Variants in GPC5 observed in about 807,000 individuals in gnomAD.
The protein encoded by GPC5 is glypican 5, also known as glypican-5.
GPC5 carries 47 observed loss-of-function variants against 53.9 expected under a neutral mutation model. That is an observed-to-expected ratio of 0.87 (90% CI 0.69 to 1.11). The LOEUF is 1.11. Ranked by LOEUF, GPC5 falls within the 50% of genes most tolerant of loss-of-function variation. The probability of loss-of-function intolerance (pLI) is 0.00; values close to 1 mark genes in which losing one functional copy is unlikely to be tolerated. For synonymous variants in GPC5, 286 were observed against 263.3 expected (o/e 1.09, Z -0.84); for missense variants, 748 against 713.1 (o/e 1.05, Z -0.56).
chr13:92,008,491 G>C (rs1315146319), intron 6 of GPC5, among the ~76,000 whole-genome samples: 1 of 148,880 alleles, frequency 6.7e-6, no homozygotes, highest in Non-Finnish European at 1.5e-5. Flanking sequence ...TTTTTTTTTA[G>C]TGCTGTTTGT....
chr13:92,362,508 G>A lies in GPC5; in HGVS notation c.1561+217519G>A, dbSNP rs60353497. On this transcript the variant is annotated intron_variant, in intron 7 of 7. Transcript: ENST00000377067. ...CTATGGCAAGATTTTGTTCTATGACGAAAGAAATTGAAGAAAATTCCAGTT... is the reference window on the plus strand; with the variant it reads ...CTATGGCAAGATTTTGTTCTATGACAAAAGAAATTGAAGAAAATTCCAGTT... Among the ~76,000 whole-genome samples the A allele has an allele frequency of 3.8e-3, 579 of 151,874 alleles. 22 individuals carry two copies. The highest frequency in any genetic ancestry group is 0.011 in the African/African-American group (452 of 41,156).
chr13:92,641,642 A>T (rs984733870), intron 7 of GPC5, among the ~76,000 whole-genome samples: 19 of 152,280 alleles, frequency 1.2e-4, no homozygotes, highest in Admixed American at 8.5e-4. Context: ...TGAGGGGAAG[A>T]ATTTCTTCAG....
At chr13:92,074,251 G>A (rs1256863192) in intron 6 of GPC5, among the ~76,000 whole-genome samples, 1 of 152,186 alleles carries the variant, frequency 6.6e-6, no homozygotes, top group South Asian at 2.1e-4. Context: ...AAAGTCAGGG[G>A]TGTTAGAGGA....
chr13:91,908,726 C>T (rs1326213977), intron 6 of GPC5, among the ~76,000 whole-genome samples: 1 of 151,850 alleles, frequency 6.6e-6, no homozygotes, highest in Admixed American at 6.6e-5. Context: ...TAAATATTAC[C>T]CTCCATTCTG....
intron 7 of GPC5, among the ~76,000 whole-genome samples, chr13:92,671,207 T>C (rs893232874): frequency 7.2e-5 from 11 of 152,184 alleles, no homozygotes; most frequent in African/African-American, 2.2e-4. Context: ...AACTGAGTTC[T>C]CTGTAAAAAA....
chr13:92,314,490 G>A (rs1432503709), intron 7 of GPC5, among the ~76,000 whole-genome samples: 2 of 152,124 alleles, frequency 1.3e-5, no homozygotes, highest in African/African-American at 4.8e-5. Flanking sequence ...TTTATTCATC[G>A]TATTGTTTTG....
At chr13:92,442,738 A>T (rs540874833) in intron 7 of GPC5, among the ~76,000 whole-genome samples, 56 of 152,216 alleles carry the variant, frequency 3.7e-4, no homozygotes, top group African/African-American at 1.3e-3. Context: ...CTCCAAAAAA[A>T]CTCAAAAGCC....
intron 2 of GPC5, among the ~76,000 whole-genome samples, chr13:91,500,716 C>T (rs1299818405): frequency 2.0e-5 from 3 of 152,282 alleles, no homozygotes; most frequent in Admixed American, 1.3e-4. Context: ...ATAAATTTTA[C>T]AGCTACAGAT....
chr13:91,876,277 C>T (rs1267807338), intron 5 of GPC5, among the ~76,000 whole-genome samples: 1 of 152,122 alleles, frequency 6.6e-6, no homozygotes, highest in Non-Finnish European at 1.5e-5. Context: ...AATGTGTTAG[C>T]AACTTTGGAA....
chr13:92,142,726 T>G lies in GPC5; in HGVS notation c.1402-2104T>G, dbSNP rs1013000891. Among the ~76,000 whole-genome samples, 5 of 152,154 alleles carry G rather than the reference T, an allele frequency of 3.3e-5. No homozygotes were observed. In the South Asian group the frequency reaches 6.2e-4, roughly 19 times the overall value. Reference sequence around the variant, plus strand: ...CATAACATATACACTGTTGGTGGTGTTAATGAGAGTCCATCTGTGTTCTTG... The same window carrying G: ...CATAACATATACACTGTTGGTGGTGGTAATGAGAGTCCATCTGTGTTCTTG... On this transcript the variant is annotated intron_variant, in intron 6 of 7. Transcript: ENST00000377067.
intron 7 of GPC5, among the ~76,000 whole-genome samples, chr13:92,575,982 C>A (rs573231305): frequency 6.2e-4 from 95 of 152,248 alleles, no homozygotes; most frequent in Middle Eastern, 6.8e-3. Context: ...TCAAGACTGA[C>A]AGGTTTGACA....
chr13:92,285,760 A>T (rs1258557632), intron 7 of GPC5, among the ~76,000 whole-genome samples: 3 of 152,226 alleles, frequency 2.0e-5, no homozygotes, highest in Admixed American at 6.5e-5. Flanking sequence ...TTAAAGACTT[A>T]AATGTTAGAC....
At chr13:92,266,005 C>A (rs2042800047) in intron 7 of GPC5, among the ~76,000 whole-genome samples, 1 of 152,134 alleles carries the variant, frequency 6.6e-6, no homozygotes, top group South Asian at 2.1e-4. Flanking sequence ...ATAACAAACC[C>A]ACCCCCGTAA....
chr13:91,572,113 GTATATATACGTGTGTATATACACATA>G (rs1566517091), intron 2 of GPC5, among the ~76,000 whole-genome samples: 1 of 119,624 alleles, frequency 8.4e-6, no homozygotes, highest in Non-Finnish European at 1.8e-5. Flanking sequence ...ATACACACAT[GTATATATACGTGTGTATATACACATA>G]TGTATATATA....
chr13:92,545,637 T>C (rs1011400580), intron 7 of GPC5, among the ~76,000 whole-genome samples: 4 of 152,224 alleles, frequency 2.6e-5, no homozygotes, highest in African/African-American at 4.8e-5. Flanking sequence ...CGGTATCTCA[T>C]TGTAGTTTTG....
intron 2 of GPC5, among the ~76,000 whole-genome samples, chr13:91,501,279 T>C (rs1884623523): frequency 1.3e-5 from 2 of 149,318 alleles, no homozygotes; most frequent in African/African-American, 5.0e-5. Flanking sequence ...AGTTTTAGGA[T>C]ACATGTGCAC....
At chr13:91,900,899 A>G (rs2039491435) in intron 5 of GPC5, among the ~76,000 whole-genome samples, 1 of 152,100 alleles carries the variant, frequency 6.6e-6, no homozygotes, top group Non-Finnish European at 1.5e-5. Context: ...CAATGGGACT[A>G]CTTACCTGCC....
At chr13:92,492,046 G>C (rs1454904973) in intron 7 of GPC5, among the ~76,000 whole-genome samples, 1 of 151,904 alleles carries the variant, frequency 6.6e-6, no homozygotes, top group African/African-American at 2.4e-5. Flanking sequence ...CTGTCCCTTT[G>C]ATGTTTTTTG....
At chr13:92,695,701 G>T (rs1566368128) in intron 7 of GPC5, among the ~76,000 whole-genome samples, 1 of 141,924 alleles carries the variant, frequency 7.0e-6, no homozygotes, top group African/African-American at 2.6e-5. Context: ...AATTTTATGA[G>T]TTTTTTTTTT....
Sources: allele counts gnomAD v4.1 joint callset (sites outside exome capture counted in the v4.1 genomes callset), GRCh38; gene constraint gnomAD v4.1.1; transcripts MANE v1.5; gene names NCBI Gene and HGNC (gene_info 2026-07-23, HGNC 2026-07-21).